NLRP7: variants seen among roughly 807,000 people sequenced by gnomAD.
NLRP7 encodes NLR family pyrin domain containing 7, also known as NACHT, LRR and PYD domains-containing protein 7.
In NLRP7, 72 loss-of-function variants were observed where a neutral mutation model predicts 85.5. The observed-to-expected ratio is 0.84, with a 90% CI of 0.70 to 1.02. The LOEUF (loss-of-function observed/expected upper bound fraction) is 1.02. NLRP7 is among the 50% of genes least tolerant of loss of function. The pLI is 0.00. For missense variants in NLRP7, 1,243 were observed against 1,219.5 expected (o/e 1.02, Z -0.29); for synonymous variants, 550 against 505.2 (o/e 1.09, Z -1.19).
chr19:54,929,320 G>A (rs545838326), intron 9 of NLRP7, among the ~76,000 whole-genome samples: 26 of 152,094 alleles, frequency 1.7e-4, no homozygotes, highest in Admixed American at 2.6e-4. Context: ...AGCCAAGATC[G>A]CACCACTGCA....
At chr19:54,952,704 C>T (rs932651609) in intron 1 of NLRP7, among the ~76,000 whole-genome samples, 1 of 152,110 alleles carries the variant, frequency 6.6e-6, no homozygotes, top group Non-Finnish European at 1.5e-5. Context: ...TTCTGCAACA[C>T]AGTGACCCGG....
chr19:54,940,330 G>C (rs2069167528), exon 4 of NLRP7: 1 of 1,614,072 alleles, frequency 6.2e-7, no homozygotes, highest in Admixed American at 1.7e-5. Context: ...TGGGTGTTCT[G>C]GGATTCAAGA....
intron 9 of NLRP7, among the ~76,000 whole-genome samples, chr19:54,926,897 CAG>C (rs2068462743): frequency 1.6e-5 from 2 of 124,202 alleles, no homozygotes; most frequent in South Asian, 2.6e-4. Context: ...GCCTGGGGGA[CAG>C]AGAGAGACTC....
intron 1 of NLRP7, among the ~76,000 whole-genome samples, chr19:54,946,727 C>T (rs538757279): frequency 6.6e-6 from 1 of 152,070 alleles, no homozygotes; most frequent in South Asian, 2.1e-4. Context: ...GCAACCTCCC[C>T]CTCCTAGGTT....
upstream of NLRP7, among the ~76,000 whole-genome samples, chr19:54,950,280 A>G (rs1290096603): frequency 8.5e-5 from 13 of 152,156 alleles, no homozygotes. Context: ...TATCCTTTAA[A>G]ATATGAAAGG....
In NLRP7 at chr19:54,938,115, GA is replaced by G; in HGVS notation, c.2057del (p.Phe686SerfsTer2). On this transcript the variant is annotated frameshift_variant, in exon 5 of 10. Transcript: ENST00000340844. LOFTEE classifies it high-confidence loss of function. ...GAATCCGCACAGAAGAGTCACTCAG[GA>G]AGCTTTGTTTCACTTCCAGAAACTT... The G allele has an allele frequency of 6.2e-7, 1 of 1,614,078 alleles. No individual in the cohort carries two copies. The highest frequency in any genetic ancestry group is 1.1e-5 in the South Asian group (1 of 91,076).
At chr19:54,956,975 C>T (rs372965277) in intron 1 of NLRP7, among the ~76,000 whole-genome samples, 12 of 151,462 alleles carry the variant, frequency 7.9e-5, no homozygotes, top group African/African-American at 2.9e-4. Flanking sequence ...CCAGAAGCTC[C>T]AAGTCTCTAC....
rs575269585 is a variant in NLRP7, at chr19:54,941,033, C to T, written c.278-28G>A. 5.8e-5 allele frequency: 86 copies of T among 1,481,082 alleles called. No homozygotes were observed. The South Asian group carries it at 9.3e-4, about 16-fold the overall frequency. 91.7% of individuals were successfully genotyped at this position (1,481,082 alleles called of 1,614,324 possible). ...GTAAAATACTTAGATGTAAGCCTGA[C>T]ACAGTAATTTACACTTCGTAAATCA... On this transcript the variant is annotated intron_variant, in intron 2 of 9. Coordinates refer to ENST00000340844, the Ensembl canonical transcript of NLRP7.
intron 8 of NLRP7, among the ~76,000 whole-genome samples, chr19:54,932,135 T>C (rs1426181719): frequency 2.6e-5 from 4 of 152,062 alleles, no homozygotes; most frequent in South Asian, 4.1e-4. Context: ...TGTTTAACAA[T>C]AGTTATTCTA....
At chr19:54,936,919 GA>G (rs981075555) in intron 5 of NLRP7, among the ~76,000 whole-genome samples, 9 of 139,354 alleles carry the variant, frequency 6.5e-5, no homozygotes, top group African/African-American at 1.6e-4. Flanking sequence ...CATCTCAAAA[GA>G]AAAAAAAATT....
At chr19:54,942,149 G>C (rs920952852) in intron 1 of NLRP7, among the ~76,000 whole-genome samples, 3 of 150,464 alleles carry the variant, frequency 2.0e-5, no homozygotes, top group Non-Finnish European at 4.4e-5. Flanking sequence ...CCAGCTACTC[G>C]GGAGGCTGAG....
exon 4 of NLRP7, chr19:54,939,847 G>T: frequency 1.2e-6 from 2 of 1,613,958 alleles, no homozygotes; most frequent in Non-Finnish European, 1.7e-6. Flanking sequence ...CCTCCTCCAG[G>T]AAGCCCTCCA....
intron 1 of NLRP7, among the ~76,000 whole-genome samples, chr19:54,944,385 A>G (rs1354652413): frequency 6.6e-6 from 1 of 152,046 alleles, no homozygotes; most frequent in East Asian, 1.9e-4. Context: ...AAGGCACAGC[A>G]CATTTCCTAA....
chr19:54,923,730 C>T (rs376337081), exon 10 of NLRP7: 123 of 1,612,388 alleles, frequency 7.6e-5, no homozygotes, highest in Admixed American at 3.8e-4. Context: ...GTAGAGCGAT[C>T]CCAGGCTGCT....
intron 9 of NLRP7, among the ~76,000 whole-genome samples, chr19:54,926,724 T>C (rs2068453762): frequency 6.6e-6 from 1 of 151,996 alleles, no homozygotes; most frequent in Non-Finnish European, 1.5e-5. Flanking sequence ...GAGACCAGCC[T>C]GGCCAACATG....
At chr19:54,928,420 A>C (rs2068536700) in intron 9 of NLRP7, among the ~76,000 whole-genome samples, 1 of 152,156 alleles carries the variant, frequency 6.6e-6, no homozygotes, top group Non-Finnish European at 1.5e-5. Context: ...AAAAACAAGC[A>C]GCATATTTGC....
upstream of NLRP7, among the ~76,000 whole-genome samples, chr19:54,951,914 C>T (rs1184764313): frequency 6.6e-6 from 1 of 152,052 alleles, no homozygotes; most frequent in Non-Finnish European, 1.5e-5. Context: ...CCATGCCTGG[C>T]TAATTTTTTT....
intron 1 of NLRP7, among the ~76,000 whole-genome samples, chr19:54,962,755 A>T (rs1226929695): frequency 6.7e-6 from 1 of 149,770 alleles, no homozygotes; most frequent in Non-Finnish European, 1.5e-5. Context: ...GCCCGCCACC[A>T]CGCCCGGCTA....
chr19:54,947,564 G>T, upstream of NLRP7: 1 of 1,289,674 alleles, frequency 7.8e-7, no homozygotes, highest in South Asian at 1.2e-5. Context: ...TAGGTGGAGA[G>T]ACAGCTTTCC....
Sources: allele counts gnomAD v4.1 joint callset (sites outside exome capture counted in the v4.1 genomes callset), GRCh38; gene constraint gnomAD v4.1.1; transcripts MANE v1.5; gene names NCBI Gene and HGNC (gene_info 2026-07-23, HGNC 2026-07-21).